Variants in CAPZB observed in about 807,000 individuals in gnomAD.
CAPZB encodes capping actin protein of muscle Z-line subunit beta.
In CAPZB, 2 loss-of-function variants were observed where a neutral mutation model predicts 38.1. The ratio of observed to expected loss-of-function variants is 0.05; its 90% CI spans 0.02 to 0.17. The LOEUF (loss-of-function observed/expected upper bound fraction) is 0.17. Ranked by LOEUF, CAPZB falls within the 10% of genes least tolerant of loss-of-function variation. The pLI, the probability that CAPZB is intolerant of heterozygous loss-of-function variation, is 1.00. For synonymous variants in CAPZB, 107 were observed against 127.4 expected, an observed-to-expected ratio of 0.84 and a Z score of 1.08; for missense variants, 161 against 334.2, an observed-to-expected ratio of 0.48 and a Z score of 4.04.
intron 1 of CAPZB, chr1:19,449,051 T>C: frequency 6.7e-7 from 1 of 1,487,426 alleles, no homozygotes; most frequent in African/African-American, 1.4e-5. Context: ...CCCATCTGGT[T>C]TCCATCTGAC....
intron 1 of CAPZB, among the ~76,000 whole-genome samples, chr1:19,428,555 T>C (rs989902908): frequency 2.0e-5 from 3 of 152,182 alleles, no homozygotes; most frequent in African/African-American, 7.2e-5. Flanking sequence ...AACAAGTCTC[T>C]CCTTTAAAAA....
chr1:19,468,967 T>C (rs2094577488), intron 1 of CAPZB, among the ~76,000 whole-genome samples: 1 of 152,188 alleles, frequency 6.6e-6, no homozygotes, highest in Admixed American at 6.5e-5. Context: ...AGCAATTATC[T>C]TCCATTCTAC....
chr1:19,357,599 A>C lies in CAPZB; in HGVS notation c.330-36T>G, dbSNP rs1458882231. 6.2e-7 allele frequency: 1 copy of C among 1,611,486 alleles called. No individual in the cohort carries two copies. Among genetic ancestry groups the C allele is most frequent in the Non-Finnish European group, 8.5e-7 (1 of 1,177,950 alleles). ...CAGGCCAATGTGCCTGTTAGATGCT[A>C]AAGGACAGATCATCAGCCTGGGTCC... is the stretch of plus-strand genomic sequence containing the variant. On this transcript the variant is annotated intron_variant, in intron 4 of 8. Coordinates refer to ENST00000264202, the MANE Select transcript of CAPZB (RefSeq NM_004930.5). The surrounding 1 kb of genome is among the most constrained non-coding windows in gnomAD (Gnocchi z 4.3).
chr1:19,420,502 C>T (rs887557263), intron 1 of CAPZB, among the ~76,000 whole-genome samples: 8 of 151,998 alleles, frequency 5.3e-5, no homozygotes, highest in African/African-American at 1.9e-4. Context: ...CTACAACCCC[C>T]ACTTTCCAGG....
intron 4 of CAPZB, among the ~76,000 whole-genome samples, chr1:19,360,314 C>T (rs775314274): frequency 2.0e-5 from 3 of 152,194 alleles, no homozygotes; most frequent in Non-Finnish European, 4.4e-5. Flanking sequence ...AGCCCCACAT[C>T]AAAAGAGGGG....
Position 19,356,577 on chromosome 1 carries a change from CAGCACTGAGGCCAGCACCTGTG to C in CAPZB, c.588+36_588+57del. 1.8e-6 allele frequency: 2 copies of C among 1,115,286 alleles called. No individual in the cohort carries two copies. The highest frequency in any genetic ancestry group is 2.8e-6 in the Non-Finnish European group (2 of 724,424). The allele number at this position is 1,115,286 out of a possible 1,614,324, so 69.1% of individuals were successfully genotyped here. On this transcript the variant is annotated intron_variant, in intron 6 of 8. Transcript: ENST00000264202. The surrounding 1 kb of genome is among the most constrained non-coding windows in gnomAD (Gnocchi z 4.3). ...CACCTGCTCACTCATCTCTGCAGGT[CAGCACTGAGGCCAGCACCTGTG>C]GGCACTGGCAAGTGGCTATGAGCGG... is the stretch of plus-strand genomic sequence containing the variant.
intron 1 of CAPZB, among the ~76,000 whole-genome samples, chr1:19,423,502 C>G: frequency 7.1e-6 from 1 of 140,358 alleles, no homozygotes. Context: ...CAATAACAAG[C>G]AATAGTGAAC....
Position 19,366,283 on chromosome 1 carries a change from AATATAT to A in CAPZB, c.330-8726_330-8721del, listed in dbSNP as rs201882034. Among the ~76,000 whole-genome samples the A allele has an allele frequency of 4.1e-3, 246 of 60,504 alleles. 7 individuals carry two copies. In the South Asian group the frequency reaches 0.054, roughly 13 times the overall value. The allele number at this position is 60,504 out of a possible 152,430, so 39.7% of individuals were successfully genotyped here. On this transcript the variant is annotated intron_variant, in intron 4 of 8. Transcript: ENST00000264202. ...GCAACATAGTGAGACCGTGTCTTAA[AATATAT>A]ATATATATATATATATATATAAATA...
intron 1 of CAPZB, among the ~76,000 whole-genome samples, chr1:19,451,367 C>T (rs1442242703): frequency 6.6e-6 from 1 of 152,216 alleles, no homozygotes; most frequent in Non-Finnish European, 1.5e-5. Flanking sequence ...ATCACTGACA[C>T]AGATGGCATG....
chr1:19,373,124 T>C (rs2094127436), intron 4 of CAPZB, among the ~76,000 whole-genome samples: 1 of 152,054 alleles, frequency 6.6e-6, no homozygotes, highest in African/African-American at 2.4e-5. Context: ...GAGAAGGGAA[T>C]CATCAGCATG....
intron 4 of CAPZB, among the ~76,000 whole-genome samples, chr1:19,359,927 G>A (rs966304692): frequency 1.3e-5 from 2 of 152,202 alleles, no homozygotes; most frequent in Non-Finnish European, 1.5e-5. Context: ...TTCTTGGGGC[G>A]AGGCGAGGTA....
intron 1 of CAPZB, among the ~76,000 whole-genome samples, chr1:19,424,826 T>C (rs966405291): frequency 6.6e-6 from 1 of 152,218 alleles, no homozygotes; most frequent in Non-Finnish European, 1.5e-5. Flanking sequence ...ACCATCATCC[T>C]GGATTTGGCC....
chr1:19,362,846 A>G (rs2094060952), intron 4 of CAPZB, among the ~76,000 whole-genome samples: 1 of 152,150 alleles, frequency 6.6e-6, no homozygotes, highest in African/African-American at 2.4e-5. Context: ...ACTAGCTTGC[A>G]AAGACTGCAG....
chr1:19,401,339 T>C (rs532921711), intron 2 of CAPZB, among the ~76,000 whole-genome samples: 64 of 152,300 alleles, frequency 4.2e-4, no homozygotes, highest in Non-Finnish European at 7.3e-4. Context: ...AGAAGAGCTA[T>C]GCACACAGCC....
At chr1:19,382,985 C>T (rs2094183236) in intron 3 of CAPZB, among the ~76,000 whole-genome samples, 1 of 151,894 alleles carries the variant, frequency 6.6e-6, no homozygotes, top group South Asian at 2.1e-4. Flanking sequence ...CCCACTTCAT[C>T]AGTGGCTCCC....
In CAPZB at chr1:19,363,260, A is replaced by ATTTTTTTT. The variant is rs10641267; in HGVS notation, c.330-5705_330-5698dup. ...CCATGCATGGCTAATTAAAAAAAAA[A>ATTTTTTTT]TTTTTTTTTTTTTTTTTTTAGAGAC... On this transcript the variant is annotated intron_variant, in intron 4 of 8. Coordinates refer to ENST00000264202, the MANE Select transcript of CAPZB (RefSeq NM_004930.5). 7.9e-3 allele frequency among the ~76,000 whole-genome samples: 968 copies of ATTTTTTTT among 123,074 alleles called. 24 individuals are homozygous for ATTTTTTTT. The highest frequency in any genetic ancestry group is 0.02 in the South Asian group (73 of 3,584). 80.7% of individuals were successfully genotyped at this position (123,074 alleles called of 152,430 possible).
intron 6 of CAPZB, among the ~76,000 whole-genome samples, chr1:19,346,452 TAAAAAAA>T (rs200968507): frequency 2.6e-4 from 19 of 73,280 alleles, no homozygotes; most frequent in Non-Finnish European, 4.3e-4. Flanking sequence ...TGAGAGAAGC[TAAAAAAA>T]AAAAAAAAAA....
At chr1:19,362,664 A>G (rs76844671) in intron 4 of CAPZB, among the ~76,000 whole-genome samples, 1 of 150,040 alleles carries the variant, frequency 6.7e-6, no homozygotes, top group Non-Finnish European at 1.5e-5. Flanking sequence ...AAAAAGAAAG[A>G]AAAAAAAAAC....
intron 4 of CAPZB, among the ~76,000 whole-genome samples, chr1:19,360,598 G>A (rs61766690): frequency 0.04 from 6,041 of 152,288 alleles, 142 homozygotes; most frequent in African/African-American, 0.053. Context: ...GACACCCTCC[G>A]GTGACCAGTT....
Sources: allele counts gnomAD v4.1 joint callset (sites outside exome capture counted in the v4.1 genomes callset), GRCh38; gene constraint gnomAD v4.1.1; non-coding constraint Gnocchi (gnomAD v3.1); transcripts MANE v1.5; gene names NCBI Gene and HGNC (gene_info 2026-07-23, HGNC 2026-07-21).